Variants in SNU13 observed in about 807,000 individuals in gnomAD.
SNU13 encodes small nuclear ribonucleoprotein 13.
A neutral mutation model predicts 12.4 loss-of-function variants in SNU13; 2 were observed. The ratio of observed to expected loss-of-function variants is 0.16; its 90% CI spans 0.07 to 0.51. SNU13 has a LOEUF of 0.51. Ranked by LOEUF, SNU13 falls within the 20% of genes least tolerant of loss-of-function variation. The pLI, the probability that SNU13 is intolerant of heterozygous loss-of-function variation, is 0.96. For synonymous variants in SNU13, 68 were observed against 66.5 expected (o/e 1.02, Z -0.11); for missense variants, 66 against 157.8 (o/e 0.42, Z 3.12).
intron 2 of SNU13, among the ~76,000 whole-genome samples, chr22:41,678,573 T>C (rs2068234500): frequency 6.6e-6 from 1 of 152,188 alleles, no homozygotes; most frequent in South Asian, 2.1e-4. Context: ...GTGCAAAGTA[T>C]GGCAAGAGGA....
chr22:41,686,881 T>G (rs186776294), intron 1 of SNU13, among the ~76,000 whole-genome samples: 17 of 152,184 alleles, frequency 1.1e-4, no homozygotes, highest in Non-Finnish European at 2.2e-4. Flanking sequence ...CGCCTCAGCC[T>G]CCCAAAGTGC....
chr22:41,682,460 C>A, intron 1 of SNU13: 1 of 1,602,762 alleles, frequency 6.2e-7, no homozygotes, highest in African/African-American at 1.3e-5. Flanking sequence ...GATGCCCCGC[C>A]CCCAAGAGCA....
Position 41,675,288 on chromosome 22 carries a change from A to G in SNU13, c.125-93T>C, listed in dbSNP as rs564097991. ...GAAGAATGCCTAGGCACACACAATTATGTGTCCTAGACCGGCCCTGGGATA... is the reference window on the plus strand; with the variant it reads ...GAAGAATGCCTAGGCACACACAATTGTGTGTCCTAGACCGGCCCTGGGATA... On this transcript the variant is annotated intron_variant, in intron 2 of 2. Transcript: ENST00000401959. 8.8e-6 allele frequency: 13 copies of G among 1,477,874 alleles called. No individual in the cohort carries two copies. The African/African-American group carries it at 1.5e-4, about 17-fold the overall frequency. 91.5% of individuals were successfully genotyped at this position (1,477,874 alleles called of 1,614,324 possible). A position where few individuals can be genotyped will look rare whatever the true frequency, so the allele number is the denominator to read the frequency against.
chr22:41,680,404 G>A (rs371403664), intron 1 of SNU13, 40 bp from the exon 2 acceptor site: 1 of 1,587,776 alleles, frequency 6.3e-7, no homozygotes, highest in Non-Finnish European at 8.6e-7. Context: ...AATTGAGCCA[G>A]AAGTTTTCCT....
chr22:41,680,167 C>G, intron 2 of SNU13, 77 bp downstream of exon 2: 1 of 1,485,840 alleles, frequency 6.7e-7, no homozygotes, highest in South Asian at 1.4e-5. Context: ...TCCTCCCAAA[C>G]TGGAAATCAG....
rs61736477 is a variant in SNU13 at position 41,675,143 on chromosome 22, G to A, written c.177C>T (p.Asp59=). Reference sequence around the variant, plus strand: ...GCAGAATGATCTCCAGTGGCTCGGCGTCTGCAGCCATCACGATGAACTCAG... The same window carrying A: ...GCAGAATGATCTCCAGTGGCTCGGCATCTGCAGCCATCACGATGAACTCAG... ...GISEFIVMAA[D]AEPLEIILHL... The change falls in exon 3 of 3, where the codon GAC becomes GAT. Residue 59 remains aspartate (D), a synonymous_variant. Transcript: ENST00000401959. The A allele has an allele frequency of 2.5e-3, 3,985 of 1,614,098 alleles. 3 individuals are homozygous for A. Among genetic ancestry groups the A allele is most frequent in the Non-Finnish European group, 3.0e-3 (3,530 of 1,180,034 alleles).
chr22:41,688,886 G>A (rs543374446), upstream of SNU13: 2 of 1,499,128 alleles, frequency 1.3e-6, no homozygotes, highest in East Asian at 2.3e-5. Flanking sequence ...CACAGAAGCA[G>A]CAGCGGAAAT....
intron 2 of SNU13, chr22:41,679,626 T>C (rs1226625137): frequency 6.6e-6 from 1 of 151,634 alleles, no homozygotes; most frequent in Non-Finnish European, 1.5e-5. Flanking sequence ...GTATCCTATA[T>C]CACCTCTGGG....
At chr22:41,682,553 T>C (rs989976075) in intron 1 of SNU13, 13 of 1,463,740 alleles carry the variant, frequency 8.9e-6, no homozygotes, top group Non-Finnish European at 1.2e-5. Context: ...ACGTAACTCC[T>C]TATCTTAGGC....
intron 1 of SNU13, among the ~76,000 whole-genome samples, chr22:41,686,208 A>G (rs1165369237): frequency 6.6e-6 from 1 of 150,876 alleles, no homozygotes; most frequent in Non-Finnish European, 1.5e-5. Context: ...TATTTGTTCC[A>G]CTTGTTCTGT....
chr22:41,689,922 G>A (rs2068346729), upstream of SNU13, among the ~76,000 whole-genome samples: 2 of 151,186 alleles, frequency 1.3e-5, no homozygotes. Context: ...AAGTTGCAGT[G>A]AGCCGAGATC....
At chr22:41,688,105 A>G (rs1000303155) in intron 1 of SNU13, 3 of 152,228 alleles carry the variant, frequency 2.0e-5, no homozygotes, top group African/African-American at 7.2e-5. Flanking sequence ...TAGATGTTTA[A>G]AAGTCAGAGA....
In SNU13 at chr22:41,688,757, C is replaced by T. The variant is rs1403987087; in HGVS notation, c.3+37G>A. The T allele has an allele frequency of 3.8e-6, 6 of 1,598,976 alleles. No homozygotes were observed. In the African/African-American group the frequency reaches 4.0e-5, roughly 11 times the overall value. On this transcript the variant is annotated intron_variant, in intron 1 of 2. Transcript: ENST00000401959. ...AGGGAGTGAACGCAACCCTGAGTCT[C>T]CCGCTTCCCGGTCCCTCGGCCGGCG...
intron 2 of SNU13, among the ~76,000 whole-genome samples, chr22:41,677,141 C>G (rs940334244): frequency 6.6e-6 from 1 of 152,142 alleles, no homozygotes; most frequent in South Asian, 2.1e-4. Flanking sequence ...ACCTGAGAAA[C>G]GAACACCCAC....
At chr22:41,683,407 G>A (rs2147139147) in intron 1 of SNU13, among the ~76,000 whole-genome samples, 1 of 152,148 alleles carries the variant, frequency 6.6e-6, no homozygotes, top group East Asian at 1.9e-4. Flanking sequence ...ACCACGTCTG[G>A]CTAATTTTTT....
At chr22:41,688,649 G>T in intron 1 of SNU13, 145 bp downstream of exon 1, 1 of 1,159,028 alleles carries the variant, frequency 8.6e-7, no homozygotes, top group Non-Finnish European at 1.2e-6. Context: ...GCCGCTGCTG[G>T]GGTTCTAACT....
chr22:41,688,729 G>C (rs2068333429), intron 1 of SNU13, 65 bp downstream of exon 1: 2 of 1,584,056 alleles, frequency 1.3e-6, no homozygotes, highest in Admixed American at 1.7e-5. Flanking sequence ...CATCTAACAG[G>C]CTAGGGAGTG....
chr22:41,680,451 C>G, intron 1 of SNU13, 87 bp from the exon 2 acceptor site: 1 of 1,434,900 alleles, frequency 7.0e-7, no homozygotes, highest in South Asian at 1.3e-5. Context: ...AATTGAGACA[C>G]AGGGGGCAGC....
Position 41,674,797 on chromosome 22 carries a change from A to C in SNU13, c.*136T>G. On this transcript the variant is annotated 3_prime_UTR_variant, in exon 3 of 3. Coordinates refer to ENST00000401959, the MANE Select transcript of SNU13 (RefSeq NM_001003796.2). ...GTAAAACAGAACAAAAACAACACAAAAATCCAGAAACCAGATTTAGTACTA... is the reference window on the plus strand; with the variant it reads ...GTAAAACAGAACAAAAACAACACAACAATCCAGAAACCAGATTTAGTACTA... 1 of 1,272,712 alleles carries C rather than the reference A, an allele frequency of 7.9e-7. No homozygotes were observed. The highest frequency in any genetic ancestry group is 1.5e-5 in the African/African-American group (1 of 66,758). 78.8% of individuals were successfully genotyped at this position (1,272,712 alleles called of 1,614,324 possible).
Sources: allele counts gnomAD v4.1 joint callset (sites outside exome capture counted in the v4.1 genomes callset), GRCh38; gene constraint gnomAD v4.1.1; transcripts MANE v1.5; gene names NCBI Gene and HGNC (gene_info 2026-07-23, HGNC 2026-07-21).